LUZP2: variants seen among roughly 807,000 people sequenced by gnomAD.
LUZP2 encodes leucine zipper protein 2.
LUZP2 carries 52 observed loss-of-function variants against 51.6 expected under a neutral mutation model. The observed-to-expected ratio is 1.01, with a 90% confidence interval of 0.81 to 1.27. LUZP2 has a LOEUF of 1.27. Ranked by LOEUF, LUZP2 falls within the 50% of genes most tolerant of loss-of-function variation. The probability of loss-of-function intolerance (pLI) is 0.00; values close to 1 mark genes in which losing one functional copy is unlikely to be tolerated. For synonymous variants in LUZP2, 154 were observed against 137.3 expected, an observed-to-expected ratio of 1.12 and a Z score of -0.85; for missense variants, 436 against 395.4, an observed-to-expected ratio of 1.10 and a Z score of -0.87.
At chr11:24,705,250 A>G (rs1363156489) in intron 1 of LUZP2, among the ~76,000 whole-genome samples, 1 of 152,220 alleles carries the variant, frequency 6.6e-6, no homozygotes, top group Non-Finnish European at 1.5e-5. Flanking sequence ...TTAAAAAGAA[A>G]TCATGAAAGA....
At chr11:24,841,343 C>T (rs1851026669) in intron 5 of LUZP2, among the ~76,000 whole-genome samples, 1 of 152,064 alleles carries the variant, frequency 6.6e-6, no homozygotes, top group African/African-American at 2.4e-5. Flanking sequence ...GGACTCTGAT[C>T]TTGGACTTTT....
chr11:24,589,585 G>T (rs1000231906), intron 1 of LUZP2, among the ~76,000 whole-genome samples: 3 of 152,134 alleles, frequency 2.0e-5, no homozygotes, highest in African/African-American at 7.2e-5. Flanking sequence ...GAATACACTC[G>T]AAGGAATTGA....
intron 1 of LUZP2, among the ~76,000 whole-genome samples, chr11:24,534,834 G>A (rs953178918): frequency 1.3e-5 from 2 of 151,230 alleles, no homozygotes; most frequent in Non-Finnish European, 3.0e-5. Context: ...TATTTATAAC[G>A]ATAATGTGAC....
intron 9 of LUZP2, among the ~76,000 whole-genome samples, chr11:25,031,760 C>T (rs746280894): frequency 1.3e-5 from 2 of 152,052 alleles, no homozygotes; most frequent in South Asian, 2.1e-4. Flanking sequence ...TAGCTACATT[C>T]CTAACATTTA....
At chr11:24,665,059 A>G (rs1380150065) in intron 1 of LUZP2, among the ~76,000 whole-genome samples, 2 of 152,182 alleles carry the variant, frequency 1.3e-5, no homozygotes, top group Admixed American at 1.3e-4. Context: ...CAGTATGAGA[A>G]AGTAGCCAGG....
intron 6 of LUZP2, among the ~76,000 whole-genome samples, chr11:24,912,766 C>T (rs960742467): frequency 9.9e-5 from 15 of 152,020 alleles, no homozygotes; most frequent in Non-Finnish European, 1.8e-4. Context: ...GCTGAGAATG[C>T]GCCACTGCAC....
At chr11:24,976,531 G>A in intron 7 of LUZP2, 60 bp from the exon 8 acceptor site, 1 of 1,092,918 alleles carries the variant, frequency 9.1e-7, no homozygotes, top group East Asian at 2.7e-5. Context: ...TATGACAGAT[G>A]CTTAAAGTAC....
At chr11:24,993,123 C>G (rs1856398206) in intron 9 of LUZP2, among the ~76,000 whole-genome samples, 1 of 152,022 alleles carries the variant, frequency 6.6e-6, no homozygotes, top group South Asian at 2.1e-4. Flanking sequence ...AAATTAGAAA[C>G]ATGGTAAATT....
chr11:24,805,797 T>C (rs1031024914), intron 5 of LUZP2, among the ~76,000 whole-genome samples: 3 of 151,962 alleles, frequency 2.0e-5, no homozygotes, highest in African/African-American at 7.3e-5. Flanking sequence ...GGCAGCAGAG[T>C]AATGGAGAAG....
chr11:24,998,570 G>C (rs895981914), intron 9 of LUZP2, among the ~76,000 whole-genome samples: 1 of 152,180 alleles, frequency 6.6e-6, no homozygotes, highest in African/African-American at 2.4e-5. Context: ...TATTTCTACA[G>C]AACATGATAT....
At chr11:24,606,603 T>A (rs1484318416) in intron 1 of LUZP2, among the ~76,000 whole-genome samples, 1 of 151,952 alleles carries the variant, frequency 6.6e-6, no homozygotes, top group Admixed American at 6.6e-5. Context: ...GCAGTGAACA[T>A]GGGGGTGAGG....
chr11:24,625,502 A>G (rs888412474), intron 1 of LUZP2, among the ~76,000 whole-genome samples: 1 of 152,140 alleles, frequency 6.6e-6, no homozygotes, highest in Non-Finnish European at 1.5e-5. Flanking sequence ...ATAAAAATCA[A>G]TTTGTACACC....
chr11:24,505,941 A>G (rs997964033), intron 1 of LUZP2, among the ~76,000 whole-genome samples: 9 of 150,584 alleles, frequency 6.0e-5, no homozygotes, highest in Non-Finnish European at 1.3e-4. Context: ...AATTGTTACA[A>G]TTATATTTCC....
At chr11:24,732,339 C>T in intron 3 of LUZP2, 151 bp downstream of exon 3, 1 of 619,768 alleles carries the variant, frequency 1.6e-6, no homozygotes, top group Non-Finnish European at 2.7e-6. Context: ...GAATCTTGTT[C>T]AAATGCAGAT....
chr11:24,587,187 A>C (rs550610953), intron 1 of LUZP2, among the ~76,000 whole-genome samples: 33 of 152,250 alleles, frequency 2.2e-4, no homozygotes, highest in Admixed American at 1.9e-3. Context: ...ACTCAGGCTC[A>C]AATGTATTTT....
chr11:24,571,965 A>G (rs1237600170), intron 1 of LUZP2, among the ~76,000 whole-genome samples: 1 of 152,014 alleles, frequency 6.6e-6, no homozygotes, highest in African/African-American at 2.4e-5. Flanking sequence ...ATTGTGCAAG[A>G]TTGTCTTATA....
chr11:24,898,050 A>G (rs933666670), intron 5 of LUZP2, among the ~76,000 whole-genome samples: 2 of 152,200 alleles, frequency 1.3e-5, no homozygotes, highest in African/African-American at 4.8e-5. Context: ...AGTAACATAT[A>G]GTTGAATGGA....
chr11:24,595,666 C>A (rs1853419090), intron 1 of LUZP2, among the ~76,000 whole-genome samples: 1 of 152,126 alleles, frequency 6.6e-6, no homozygotes, highest in Admixed American at 6.6e-5. Flanking sequence ...AAGATCATAG[C>A]TATTTATAAA....
At chr11:24,932,724 C>G (rs918562842) in intron 7 of LUZP2, among the ~76,000 whole-genome samples, 2 of 152,178 alleles carry the variant, frequency 1.3e-5, no homozygotes, top group African/African-American at 2.4e-5. Context: ...AGGCTACTGG[C>G]CTCCCCACTG....
Sources: allele counts gnomAD v4.1 joint callset (sites outside exome capture counted in the v4.1 genomes callset), GRCh38; gene constraint gnomAD v4.1.1; transcripts MANE v1.5; gene names NCBI Gene and HGNC (gene_info 2026-07-23, HGNC 2026-07-21).